The following SOX5 variants were observed in gnomAD, a reference collection of about 807,000 sequenced individuals.
SOX5 encodes the protein SRY-box transcription factor 5, also known as transcription factor SOX-5.
A neutral mutation model predicts 92.0 loss-of-function variants in SOX5; 9 were observed. The ratio of observed to expected loss-of-function variants is 0.10; its 90% CI spans 0.06 to 0.17. The LOEUF (loss-of-function observed/expected upper bound fraction) is 0.17. Among genes scored for constraint, SOX5 ranks in the 10% least tolerant of loss-of-function variants. The pLI, the probability that SOX5 is intolerant of heterozygous loss-of-function variation, is 1.00. For synonymous variants in SOX5, 344 were observed against 336.3 expected (o/e 1.02, Z -0.25); for missense variants, 642 against 944.5 (o/e 0.68, Z 4.20).
At chr12:24,429,603 AACACACATACACACACACACATAC>A (rs996761789) in intron 1 of SOX5, among the ~76,000 whole-genome samples, 16 of 150,508 alleles carry the variant, frequency 1.1e-4, no homozygotes, top group East Asian at 3.9e-4. Flanking sequence ...TTTTCCTGGA[AACACACATACACACACACACATAC>A]ACACACACAC....
At chr12:23,641,026 T>C (rs2079983793) in intron 7 of SOX5, 129 bp from the exon 8 acceptor site, 3 of 590,930 alleles carry the variant, frequency 5.1e-6, no homozygotes, top group Admixed American at 7.3e-5. Context: ...AAAAGCTCTA[T>C]TGTGCAGCCT....
chr12:24,092,476 C>A (rs1944770256), intron 4 of SOX5, among the ~76,000 whole-genome samples: 3 of 152,140 alleles, frequency 2.0e-5, no homozygotes, highest in Admixed American at 2.0e-4. Context: ...CTGGCAGTCC[C>A]CAAAGTGGAT....
intron 10 of SOX5, among the ~76,000 whole-genome samples, chr12:23,570,689 T>C (rs180970766): frequency 6.9e-4 from 104 of 151,502 alleles, no homozygotes; most frequent in African/African-American, 2.4e-3. Context: ...GGCAGGCGGA[T>C]CACGAGGTCA....
At chr12:24,288,876 T>C (rs1168327528) in intron 2 of SOX5, among the ~76,000 whole-genome samples, 1 of 152,210 alleles carries the variant, frequency 6.6e-6, no homozygotes, top group Non-Finnish European at 1.5e-5. Flanking sequence ...ATTATAATAA[T>C]TAATAATCTA....
chr12:24,482,421 T>G (rs1232494679), intron 1 of SOX5, among the ~76,000 whole-genome samples: 1 of 152,190 alleles, frequency 6.6e-6, no homozygotes, highest in African/African-American at 2.4e-5. Context: ...CTTTGAAATG[T>G]TGACACTCAG....
chr12:23,535,811 CTTTAT>C (rs1240609681), intron 14 of SOX5, among the ~76,000 whole-genome samples: 1 of 152,130 alleles, frequency 6.6e-6, no homozygotes, highest in African/African-American at 2.4e-5. Context: ...ATATGAACAA[CTTTAT>C]TTTGGGTTTT....
At chr12:23,789,434 G>T (rs560831308) in intron 3 of SOX5, among the ~76,000 whole-genome samples, 1 of 152,122 alleles carries the variant, frequency 6.6e-6, no homozygotes, top group African/African-American at 2.4e-5. Context: ...TGATCCGAAG[G>T]AGAGTGTGAA....
chr12:24,045,425 G>A (rs1956898944), intron 4 of SOX5, among the ~76,000 whole-genome samples: 1 of 152,100 alleles, frequency 6.6e-6, no homozygotes, highest in African/African-American at 2.4e-5. Context: ...AGCCTCCCGA[G>A]TAGCTGGGAC....
chr12:23,979,698 GT>G (rs67253622), intron 4 of SOX5, among the ~76,000 whole-genome samples: 18,584 of 64,622 alleles, frequency 0.29, 1,531 homozygotes, highest in South Asian at 0.33. Context: ...ATATATATAT[GT>G]TTTTTTTGTT....
At chr12:23,827,352 A>G (rs1262580352) in intron 3 of SOX5, among the ~76,000 whole-genome samples, 1 of 152,226 alleles carries the variant, frequency 6.6e-6, no homozygotes, top group Non-Finnish European at 1.5e-5. Context: ...AATTTACAAT[A>G]AAAAGAGAAT....
intron 6 of SOX5, among the ~76,000 whole-genome samples, chr12:23,730,408 T>G (rs1289979452): frequency 6.6e-6 from 1 of 152,154 alleles, no homozygotes; most frequent in Admixed American, 6.6e-5. Context: ...TAAGACAAAC[T>G]TCTTAGTGCT....
intron 4 of SOX5, among the ~76,000 whole-genome samples, chr12:24,137,859 C>T (rs1037274123): frequency 6.6e-6 from 1 of 152,210 alleles, no homozygotes; most frequent in Non-Finnish European, 1.5e-5. Context: ...TAGCCAGGAT[C>T]GTGATGCTGT....
intron 1 of SOX5, among the ~76,000 whole-genome samples, chr12:24,442,782 A>G (rs1242558097): frequency 2.6e-5 from 4 of 152,154 alleles, no homozygotes; most frequent in Non-Finnish European, 5.9e-5. Flanking sequence ...GAGTTAAAGA[A>G]GTAACCAGAG....
Position 23,755,888 on chromosome 12 carries a change from T to C in SOX5, c.482-164A>G, listed in dbSNP as rs1180873842. ...AGGGGTGGAAAAAAAGAATGTGTCCTGTCACCTGCTGTTTCAAAATCATTA... is the reference window on the plus strand; with the variant it reads ...AGGGGTGGAAAAAAAGAATGTGTCCCGTCACCTGCTGTTTCAAAATCATTA... On this transcript the variant is annotated intron_variant, in intron 3 of 14. Coordinates refer to ENST00000451604, the MANE Select transcript of SOX5 (RefSeq NM_006940.6). Among the ~76,000 whole-genome samples, 9 of 151,926 alleles carry C rather than the reference T, an allele frequency of 5.9e-5. 1 individual carries two copies. The highest frequency in any genetic ancestry group is 1.0e-4 in the Non-Finnish European group (7 of 67,846).
At chr12:24,098,301 C>T (rs1477372692) in intron 4 of SOX5, among the ~76,000 whole-genome samples, 1 of 152,162 alleles carries the variant, frequency 6.6e-6, no homozygotes, top group African/African-American at 2.4e-5. Context: ...TTATAAATTT[C>T]CTGCTCTTGG....
chr12:23,950,637 A>G (rs1301212448), upstream of SOX5, among the ~76,000 whole-genome samples: 1 of 152,238 alleles, frequency 6.6e-6, no homozygotes, highest in Non-Finnish European at 1.5e-5. Context: ...GGTCAGGAGT[A>G]GGAAGCGCCC....
intron 4 of SOX5, among the ~76,000 whole-genome samples, chr12:23,986,426 T>A (rs1950069938): frequency 6.6e-6 from 1 of 152,148 alleles, no homozygotes; most frequent in African/African-American, 2.4e-5. Context: ...TCACTTTAGG[T>A]GCTCATTAAG....
chr12:23,754,207 C>G (rs188413083), intron 4 of SOX5, among the ~76,000 whole-genome samples: 5 of 151,246 alleles, frequency 3.3e-5, no homozygotes, highest in Non-Finnish European at 7.4e-5. Context: ...TGAAGGAAAA[C>G]GAGGGAGGGG....
At chr12:23,543,188 T>A in intron 13 of SOX5, 23 bp downstream of exon 13, 2 of 1,600,304 alleles carry the variant, frequency 1.2e-6, no homozygotes, top group Non-Finnish European at 1.7e-6. Flanking sequence ...CATACGTCAC[T>A]TAGTTCTTAA....
Sources: allele counts gnomAD v4.1 joint callset (sites outside exome capture counted in the v4.1 genomes callset), GRCh38; gene constraint gnomAD v4.1.1; transcripts MANE v1.5; gene names NCBI Gene and HGNC (gene_info 2026-07-23, HGNC 2026-07-21).